The following CDH20 variants were observed in gnomAD, a reference collection of about 807,000 sequenced individuals.
The protein encoded by CDH20 is cadherin 20.
A neutral mutation model predicts 74.2 loss-of-function variants in CDH20; 29 were observed. That is an observed-to-expected ratio of 0.39 (90% CI 0.29 to 0.53). The LOEUF is 0.53. CDH20 is among the 20% of genes least tolerant of loss of function. CDH20 has a pLI of 0.69. For missense variants in CDH20, 988 were observed against 1,048.3 expected, an observed-to-expected ratio of 0.94 and a Z score of 0.79; for synonymous variants, 469 against 405.4, an observed-to-expected ratio of 1.16 and a Z score of -1.88.
intron 7 of CDH20, among the ~76,000 whole-genome samples, chr18:61,533,320 A>C (rs1240408710): frequency 6.6e-6 from 1 of 152,068 alleles, no homozygotes; most frequent in African/African-American, 2.4e-5. Context: ...TAAAGAAAGA[A>C]AAAAAAGTGA....
At chr18:61,498,101 GT>G (rs1399359284) in intron 2 of CDH20, among the ~76,000 whole-genome samples, 1 of 152,182 alleles carries the variant, frequency 6.6e-6, no homozygotes, top group Non-Finnish European at 1.5e-5. Context: ...CCTTTTGAGA[GT>G]TATTAAAAGT....
intron 8 of CDH20, among the ~76,000 whole-genome samples, chr18:61,537,139 CA>C (rs1912842806): frequency 6.6e-6 from 1 of 151,716 alleles, no homozygotes; most frequent in Non-Finnish European, 1.5e-5. Context: ...ATATTATAAA[CA>C]TAATAAAAAT....
At chr18:61,497,117 AAGAAAG>A (rs1456558106) in intron 2 of CDH20, among the ~76,000 whole-genome samples, 1 of 151,400 alleles carries the variant, frequency 6.6e-6, no homozygotes, top group Non-Finnish European at 1.5e-5. Flanking sequence ...GAAAGAAAGA[AAGAAAG>A]AAAAAAGAAA....
intron 1 of CDH20, among the ~76,000 whole-genome samples, chr18:61,386,414 G>T (rs1486209249): frequency 6.6e-6 from 1 of 152,134 alleles, no homozygotes; most frequent in Non-Finnish European, 1.5e-5. Flanking sequence ...TATGAACAAT[G>T]AACTGAATCT....
chr18:61,545,063 C>T lies in CDH20; in HGVS notation c.1567C>T (p.Pro523Ser). The T allele has an allele frequency of 1.2e-6, 2 of 1,613,866 alleles. No homozygotes were observed. Among genetic ancestry groups the T allele is most frequent in the South Asian group, 1.1e-5 (1 of 91,074 alleles). The part of the protein sequence containing the change: ...QTVSAVDQDD[P>S]RNGQHFYYSL... The stretch of plus-strand genomic sequence containing the variant: ...AGTGAGTGCGGTGGACCAAGATGAC[C>T]CACGCAATGGTCAGCATTTCTACTA... Residue 523 changes from proline to serine, a missense_variant, in exon 10 of 12, where the codon CCA becomes TCA. By Grantham distance (74) the Pro-to-Ser change is moderately conservative (BLOSUM62 -1). Transcript: ENST00000262717.
At chr18:61,465,839 T>C (rs977270133) in intron 1 of CDH20, among the ~76,000 whole-genome samples, 1 of 150,874 alleles carries the variant, frequency 6.6e-6, no homozygotes, top group Non-Finnish European at 1.5e-5. Flanking sequence ...GGTATACTAG[T>C]CACATAAACA....
intron 10 of CDH20, among the ~76,000 whole-genome samples, chr18:61,546,283 AT>A (rs1913245865): frequency 6.6e-6 from 1 of 152,244 alleles, no homozygotes; most frequent in African/African-American, 2.4e-5. Flanking sequence ...GATTAAAAGT[AT>A]TACTTCAACC....
chr18:61,405,879 A>G lies in CDH20; in HGVS notation c.-153+72052A>G, dbSNP rs559211300. ...TAAGCCTTCCTTCAAATATCAGCAT[A>G]ACTTCAAGGCTTCCACTGTCTCAAC... On this transcript the variant is annotated intron_variant, in intron 1 of 11. Transcript: ENST00000262717. Among the ~76,000 whole-genome samples, 64 of 152,294 alleles carry G rather than the reference A, an allele frequency of 4.2e-4. 1 individual carries two copies. Among genetic ancestry groups the G allele is most frequent in the African/African-American group, 1.5e-3 (64 of 41,556 alleles).
At chr18:61,389,842 C>T (rs1221873574) in intron 1 of CDH20, among the ~76,000 whole-genome samples, 1 of 152,130 alleles carries the variant, frequency 6.6e-6, no homozygotes, top group African/African-American at 2.4e-5. Flanking sequence ...GAGTACAGTC[C>T]ACCTACTTTC....
At chr18:61,544,479 T>G (rs1407066554) in intron 9 of CDH20, among the ~76,000 whole-genome samples, 1 of 152,336 alleles carries the variant, frequency 6.6e-6, no homozygotes, top group Non-Finnish European at 1.5e-5. Flanking sequence ...GCAACGTTTA[T>G]TGAGTGGTGA....
intron 1 of CDH20, among the ~76,000 whole-genome samples, chr18:61,408,447 C>T (rs920957536): frequency 1.3e-5 from 2 of 152,142 alleles, no homozygotes; most frequent in Non-Finnish European, 2.9e-5. Flanking sequence ...TGGTTTCAAC[C>T]TCTCCTCTAC....
intron 7 of CDH20, among the ~76,000 whole-genome samples, chr18:61,530,482 C>A (rs1156682238): frequency 6.6e-6 from 1 of 152,114 alleles, no homozygotes; most frequent in Non-Finnish European, 1.5e-5. Flanking sequence ...GATTTATATT[C>A]TTAAAGAGAA....
At chr18:61,456,810 A>G (rs1909586065) in intron 1 of CDH20, among the ~76,000 whole-genome samples, 2 of 152,150 alleles carry the variant, frequency 1.3e-5, no homozygotes, top group Non-Finnish European at 2.9e-5. Context: ...AGGTGCTGGC[A>G]GATCTGGTGT....
chr18:61,523,230 A>G (rs1267337631), intron 6 of CDH20, among the ~76,000 whole-genome samples: 2 of 146,898 alleles, frequency 1.4e-5, no homozygotes, highest in East Asian at 4.0e-4. Context: ...AAAAAAAAAC[A>G]AACAACCACA....
intron 1 of CDH20, among the ~76,000 whole-genome samples, chr18:61,344,646 A>C (rs986697532): frequency 2.0e-5 from 3 of 152,212 alleles, no homozygotes; most frequent in Non-Finnish European, 2.9e-5. Flanking sequence ...GCAAATTACC[A>C]TGAGTTAACT....
intron 1 of CDH20, among the ~76,000 whole-genome samples, chr18:61,376,142 G>T (rs1911222087): frequency 6.6e-6 from 1 of 151,926 alleles, no homozygotes; most frequent in African/African-American, 2.4e-5. Flanking sequence ...CCCCCTAGTA[G>T]TCTAGTGACT....
At position 61,539,947 on chromosome 18, in the gene CDH20, G is replaced by C. The variant is rs555446679; in HGVS notation, c.1530+802G>C. 2.0e-5 allele frequency among the ~76,000 whole-genome samples: 3 copies of C among 152,294 alleles called. No homozygotes were observed. The East Asian group carries it at 5.8e-4, about 29-fold the overall frequency. On this transcript the variant is annotated intron_variant, in intron 9 of 11. Coordinates refer to ENST00000262717, the MANE Select transcript of CDH20 (RefSeq NM_031891.4). The stretch of plus-strand genomic sequence containing the variant: ...CCATAATCTTCAGAGACATATTTGT[G>C]TATTTTTTAAGTATGCCCTTAAACC...
chr18:61,408,362 G>T (rs1444336818), intron 1 of CDH20, among the ~76,000 whole-genome samples: 3 of 152,160 alleles, frequency 2.0e-5, no homozygotes, highest in Admixed American at 6.5e-5. Flanking sequence ...CTTTGCATAA[G>T]TAACTGTTGG....
At chr18:61,545,554 C>T (rs931070761) in intron 10 of CDH20, among the ~76,000 whole-genome samples, 8 of 152,108 alleles carry the variant, frequency 5.3e-5, no homozygotes, top group African/African-American at 1.4e-4. Context: ...GAGGCAAAAT[C>T]CTTCATTCCC....
Sources: allele counts gnomAD v4.1 joint callset (sites outside exome capture counted in the v4.1 genomes callset), GRCh38; gene constraint gnomAD v4.1.1; transcripts MANE v1.5; gene names NCBI Gene and HGNC (gene_info 2026-07-23, HGNC 2026-07-21).